CENPC: variants seen among roughly 807,000 people sequenced by gnomAD.
CENPC encodes centromere protein C, also known as CENP-C 1.
Under a neutral mutation model 112.1 loss-of-function variants are expected in CENPC, and 63 were observed. The ratio of observed to expected loss-of-function variants is 0.56; its 90% CI spans 0.46 to 0.69. The LOEUF is 0.69. Among genes scored for constraint, CENPC ranks in the 30% least tolerant of loss-of-function variants. CENPC has a pLI of 0.00. For synonymous variants in CENPC, 333 were observed against 367.6 expected (o/e 0.91, Z 1.08); for missense variants, 1,000 against 1,103.8 (o/e 0.91, Z 1.33).
chr4:67,518,422 A>C (rs557165703), intron 6 of CENPC, 54 bp from the exon 7 acceptor site: 135 of 1,445,884 alleles, frequency 9.3e-5, no homozygotes, highest in Non-Finnish European at 1.1e-4. Context: ...TTCTTGAGTT[A>C]TAAGTCTTCC....
At chr4:67,483,430 A>G (rs529857410) in intron 17 of CENPC, among the ~76,000 whole-genome samples, 1 of 152,304 alleles carries the variant, frequency 6.6e-6, no homozygotes, top group East Asian at 1.9e-4. Context: ...AAAATAAAAT[A>G]TAACACAATT....
chr4:67,521,346 A>T (rs568522161), intron 5 of CENPC, among the ~76,000 whole-genome samples: 1 of 152,102 alleles, frequency 6.6e-6, no homozygotes, highest in African/African-American at 2.4e-5. Flanking sequence ...TAACAAATGA[A>T]AAAGAAACTC....
chr4:67,509,920 T>C (rs1321491970), intron 9 of CENPC, among the ~76,000 whole-genome samples: 2 of 152,150 alleles, frequency 1.3e-5, no homozygotes, highest in Non-Finnish European at 2.9e-5. Flanking sequence ...GAAGTCCAAA[T>C]ACTTCAACAT....
At chr4:67,510,949 T>C (rs1725876913) in intron 9 of CENPC, 1 of 454,546 alleles carries the variant, frequency 2.2e-6, no homozygotes, top group Admixed American at 2.4e-5. Flanking sequence ...AGCACATTTA[T>C]CCAAGTTCTG....
chr4:67,518,079 A>G, intron 7 of CENPC, 77 bp downstream of exon 7: 1 of 728,064 alleles, frequency 1.4e-6, no homozygotes, highest in Non-Finnish European at 2.1e-6. Context: ...TAAGTTAAAT[A>G]GCATTAGGAA....
At position 67,482,906 on chromosome 4, in the gene CENPC, G is replaced by C. The variant is rs914255020; in HGVS notation, c.2670+7061C>G. Among the ~76,000 whole-genome samples, 3 of 151,530 alleles carry C rather than the reference G, an allele frequency of 2.0e-5. No individual in the cohort carries two copies. In the Admixed American group the frequency reaches 2.0e-4, roughly 10 times the overall value. On this transcript the variant is annotated intron_variant, in intron 17 of 18. Transcript: ENST00000273853. ...CCCCACCCAAATGTCACCTTGAATT[G>C]TAGCTGCCATAATCCCCACATGTCA...
intron 7 of CENPC, among the ~76,000 whole-genome samples, chr4:67,515,087 T>C (rs1443687757): frequency 6.6e-6 from 1 of 152,038 alleles, no homozygotes; most frequent in East Asian, 1.9e-4. Flanking sequence ...GGGGTCTGAA[T>C]TTCTTCACAT....
chr4:67,511,379 G>T (rs888478071), intron 9 of CENPC, among the ~76,000 whole-genome samples: 3 of 152,138 alleles, frequency 2.0e-5, no homozygotes, highest in Non-Finnish European at 4.4e-5. Context: ...AATAGTATTT[G>T]TGTATGTGAA....
In CENPC at chr4:67,501,541, C is replaced by T. The variant is rs190928560; in HGVS notation, c.2131+3664G>A. 7.0e-4 allele frequency among the ~76,000 whole-genome samples: 107 copies of T among 152,200 alleles called. 2 individuals are homozygous for T. In the East Asian group the frequency reaches 0.018, roughly 25 times the overall value. ...GGACATGGCAGCTAAATGCAGTCGA[C>T]GATCCAGGACTGGATCTTGAACCAG... is the stretch of plus-strand genomic sequence containing the variant. On this transcript the variant is annotated intron_variant, in intron 12 of 18. Coordinates refer to ENST00000273853, the MANE Select transcript of CENPC (RefSeq NM_001812.4).
At chr4:67,509,332 C>A (rs564300102) in intron 9 of CENPC, among the ~76,000 whole-genome samples, 1 of 151,908 alleles carries the variant, frequency 6.6e-6, no homozygotes, top group Non-Finnish European at 1.5e-5. Context: ...ATGAAACAGG[C>A]CCTTCAAATC....
At chr4:67,504,673 T>C (rs1725686318) in intron 12 of CENPC, among the ~76,000 whole-genome samples, 1 of 151,798 alleles carries the variant, frequency 6.6e-6, no homozygotes, top group Non-Finnish European at 1.5e-5. Context: ...GACAAAAAAA[T>C]TAGCCAGGCG....
At chr4:67,486,240 C>A (rs141074301) in intron 17 of CENPC, among the ~76,000 whole-genome samples, 55 of 152,196 alleles carry the variant, frequency 3.6e-4, no homozygotes, top group African/African-American at 1.2e-3. Context: ...TAATGCTAAC[C>A]ACCTGCCCAA....
Position 67,472,596 on chromosome 4 carries a change from G to T in CENPC, c.*9C>A. 5 of 1,491,626 alleles carry T rather than the reference G, an allele frequency of 3.4e-6. No homozygotes were observed. The highest frequency in any genetic ancestry group is 1.4e-5 in the African/African-American group (1 of 70,376). The allele number at this position is 1,491,626 out of a possible 1,614,324, so 92.4% of individuals were successfully genotyped here. A position where few individuals can be genotyped will look rare whatever the true frequency, so the allele number is the denominator to read the frequency against. Reference sequence around the variant, plus strand: ...ATATACATACATATATTTAAGGTTGGTTGATCTTTCATCTTTTTATCTGAG... The same window carrying T: ...ATATACATACATATATTTAAGGTTGTTTGATCTTTCATCTTTTTATCTGAG... On this transcript the variant is annotated 3_prime_UTR_variant, in exon 19 of 19. Coordinates refer to ENST00000273853, the MANE Select transcript of CENPC (RefSeq NM_001812.4).
At chr4:67,518,580 G>A (rs971881571) in intron 6 of CENPC, among the ~76,000 whole-genome samples, 1 of 152,110 alleles carries the variant, frequency 6.6e-6, no homozygotes, top group African/African-American at 2.4e-5. Context: ...AGAAAAACAT[G>A]AAAGAGAAAA....
At chr4:67,497,372 C>A (rs10440481) in intron 12 of CENPC, among the ~76,000 whole-genome samples, 32,824 of 151,532 alleles carry the variant, frequency 0.22, 3,603 homozygotes, top group South Asian at 0.26. Flanking sequence ...AGGGACACTC[C>A]GTCTTAAAAA....
chr4:67,513,334 T>C (rs1170780397), intron 8 of CENPC, among the ~76,000 whole-genome samples: 3 of 152,164 alleles, frequency 2.0e-5, no homozygotes, highest in East Asian at 1.9e-4. Flanking sequence ...ATGACAGCAA[T>C]AGAAAATTAA....
At chr4:67,496,662 C>A (rs1303085742) in intron 12 of CENPC, among the ~76,000 whole-genome samples, 1 of 152,092 alleles carries the variant, frequency 6.6e-6, no homozygotes, top group Non-Finnish European at 1.5e-5. Context: ...CTGTCAGAAA[C>A]AGGCAAATCT....
At chr4:67,506,179 G>C (rs1419733000) in intron 11 of CENPC, among the ~76,000 whole-genome samples, 1 of 152,056 alleles carries the variant, frequency 6.6e-6, no homozygotes, top group Non-Finnish European at 1.5e-5. Flanking sequence ...ATTAAGAGTA[G>C]GTAATTCAAT....
intron 13 of CENPC, among the ~76,000 whole-genome samples, chr4:67,494,755 G>T (rs191492761): frequency 2.0e-5 from 3 of 152,320 alleles, no homozygotes; most frequent in South Asian, 2.1e-4. Context: ...GGGTTCCACA[G>T]TTCTTAGCTT....
Sources: allele counts gnomAD v4.1 joint callset (sites outside exome capture counted in the v4.1 genomes callset), GRCh38; gene constraint gnomAD v4.1.1; transcripts MANE v1.5; gene names NCBI Gene and HGNC (gene_info 2026-07-23, HGNC 2026-07-21).